Variants in SUGCT observed in about 807,000 individuals in gnomAD.
SUGCT encodes succinyl-CoA:glutarate CoA-transferase.
SUGCT carries 41 observed loss-of-function variants against 55.0 expected under a neutral mutation model. The ratio of observed to expected loss-of-function variants is 0.74; its 90% confidence interval spans 0.58 to 0.97. The LOEUF (loss-of-function observed/expected upper bound fraction) is 0.97, where lower values mean the gene tolerates loss of function less well. Among genes scored for constraint, SUGCT ranks in the 50% least tolerant of loss-of-function variants. SUGCT has a pLI of 0.00. For missense variants in SUGCT, 568 were observed against 547.8 expected (o/e 1.04, Z -0.37); for synonymous variants, 187 against 200.4 (o/e 0.93, Z 0.56).
intron 12 of SUGCT, among the ~76,000 whole-genome samples, chr7:40,709,430 G>T (rs1785588125): frequency 6.6e-6 from 1 of 152,198 alleles, no homozygotes. Context: ...AGAAAAGGAG[G>T]AGGATCTACA....
chr7:40,512,425 A>G (rs1410498418), intron 12 of SUGCT, among the ~76,000 whole-genome samples: 1 of 152,224 alleles, frequency 6.6e-6, no homozygotes, highest in East Asian at 1.9e-4. Context: ...CTAGAACCAC[A>G]GAATACTTTA....
the SUGCT span, among the ~76,000 whole-genome samples, chr7:40,896,722 A>G: frequency 1.3e-5 from 2 of 152,184 alleles, no homozygotes; most frequent in African/African-American, 4.8e-5. Context: ...TCTTTCCTTT[A>G]TAAATTACCC....
At chr7:40,882,339 A>G in the SUGCT span, among the ~76,000 whole-genome samples, 1 of 152,222 alleles carries the variant, frequency 6.6e-6, no homozygotes, top group Admixed American at 6.5e-5. Flanking sequence ...TCTGGTGTCT[A>G]TCATCCACTG....
At chr7:40,654,859 G>A (rs753966201) in intron 12 of SUGCT, among the ~76,000 whole-genome samples, 11 of 152,248 alleles carry the variant, frequency 7.2e-5, no homozygotes, top group East Asian at 3.9e-4. Context: ...ACAGATTTAC[G>A]TCTGCACACA....
chr7:40,808,172 G>A (rs1305036676), intron 13 of SUGCT: 1 of 152,244 alleles, frequency 6.6e-6, no homozygotes, highest in Non-Finnish European at 1.5e-5. Flanking sequence ...AAGAGCAGGT[G>A]AGGGCAGCCA....
intron 6 of SUGCT, among the ~76,000 whole-genome samples, chr7:40,229,762 C>T (rs970644145): frequency 5.5e-5 from 8 of 146,738 alleles, no homozygotes; most frequent in South Asian, 2.1e-4. Flanking sequence ...TGCAGTGAGC[C>T]GAGATCGTGC....
intron 13 of SUGCT, among the ~76,000 whole-genome samples, chr7:40,785,812 G>T (rs984604698): frequency 1.3e-5 from 2 of 152,160 alleles, no homozygotes; most frequent in Non-Finnish European, 2.9e-5. Context: ...TTAGGGCCAG[G>T]TATGGTAGCT....
intron 12 of SUGCT, among the ~76,000 whole-genome samples, chr7:40,705,066 C>T (rs376143052): frequency 2.0e-5 from 3 of 152,084 alleles, no homozygotes; most frequent in Admixed American, 6.6e-5. Flanking sequence ...TTTTTATAGT[C>T]GTTTATCAGT....
chr7:40,687,114 A>G (rs1311884653), intron 12 of SUGCT, among the ~76,000 whole-genome samples: 2 of 152,002 alleles, frequency 1.3e-5, no homozygotes, highest in African/African-American at 4.8e-5. Flanking sequence ...TGTTGTTACC[A>G]TCTATCATCA....
chr7:40,660,241 G>A (rs556896024), intron 12 of SUGCT, among the ~76,000 whole-genome samples: 14 of 152,224 alleles, frequency 9.2e-5, no homozygotes, highest in South Asian at 2.1e-4. Flanking sequence ...ATGGGGTAAG[G>A]CAGAGAGTAT....
chr7:40,240,181 C>T (rs1199066563), intron 7 of SUGCT, among the ~76,000 whole-genome samples: 1 of 152,102 alleles, frequency 6.6e-6, no homozygotes, highest in Non-Finnish European at 1.5e-5. Flanking sequence ...AAGATAAAAG[C>T]TGATTGAAAA....
chr7:40,193,674 C>T (rs1584307216), intron 5 of SUGCT, among the ~76,000 whole-genome samples: 1 of 151,398 alleles, frequency 6.6e-6, no homozygotes, highest in South Asian at 2.1e-4. Context: ...TCTCGGCTCA[C>T]TGTGACCTCT....
intron 12 of SUGCT, chr7:40,539,156 G>C (rs987554496): frequency 6.6e-6 from 1 of 151,942 alleles, no homozygotes; most frequent in African/African-American, 2.4e-5. Context: ...GCTCTTTAAA[G>C]TGGTATGCAG....
intron 12 of SUGCT, among the ~76,000 whole-genome samples, chr7:40,728,854 A>G (rs1343306506): frequency 1.3e-5 from 2 of 152,242 alleles, no homozygotes; most frequent in East Asian, 3.9e-4. Flanking sequence ...AACAATAACC[A>G]TAACGGTAAT....
chr7:40,686,478 CAGAA>C (rs1479365133), intron 12 of SUGCT, among the ~76,000 whole-genome samples: 1 of 152,176 alleles, frequency 6.6e-6, no homozygotes, highest in Non-Finnish European at 1.5e-5. Flanking sequence ...GCTTGACACA[CAGAA>C]AGACAGCATT....
intron 12 of SUGCT, among the ~76,000 whole-genome samples, chr7:40,576,321 A>C (rs1796754285): frequency 6.6e-6 from 1 of 152,216 alleles, no homozygotes; most frequent in Non-Finnish European, 1.5e-5. Flanking sequence ...CCCTGCAGCT[A>C]TCAAACAAGG....
At chr7:40,580,951 G>A (rs1584041700) in intron 12 of SUGCT, among the ~76,000 whole-genome samples, 3 of 152,230 alleles carry the variant, frequency 2.0e-5, no homozygotes, top group Admixed American at 2.0e-4. Context: ...GCAAAATGAT[G>A]AAATGCCTAA....
chr7:40,513,826 G>C (rs1562829504), intron 12 of SUGCT, among the ~76,000 whole-genome samples: 2 of 122,314 alleles, frequency 1.6e-5, no homozygotes, highest in Non-Finnish European at 3.2e-5. Flanking sequence ...GTCTTGGTCT[G>C]TCACCTGGGC....
chr7:41,033,397 C>G, the SUGCT span, among the ~76,000 whole-genome samples: 2 of 152,150 alleles, frequency 1.3e-5, no homozygotes, highest in African/African-American at 4.8e-5. Context: ...TATCTGTTGG[C>G]TTTTGCAGAG....
Sources: allele counts gnomAD v4.1 joint callset (sites outside exome capture counted in the v4.1 genomes callset), GRCh38; gene constraint gnomAD v4.1.1; transcripts MANE v1.5; gene names NCBI Gene and HGNC (gene_info 2026-07-23, HGNC 2026-07-21).